The following RABGAP1L variants were observed in gnomAD, a reference collection of about 807,000 sequenced individuals.
The protein encoded by RABGAP1L is RAB GTPase activating protein 1 like, also known as rab GTPase-activating protein 1-like.
In RABGAP1L, 63 loss-of-function variants were observed where a neutral mutation model predicts 137.7. That is an observed-to-expected ratio of 0.46 (90% CI 0.37 to 0.56). RABGAP1L has a LOEUF of 0.56. Ranked by LOEUF, RABGAP1L falls within the 20% of genes least tolerant of loss-of-function variation. The pLI is 0.00. For missense variants in RABGAP1L, 1,095 were observed against 1,244.0 expected (o/e 0.88, Z 1.80); for synonymous variants, 431 against 433.7 (o/e 0.99, Z 0.08).
rs775955815 is a variant in RABGAP1L at position 174,394,110 on chromosome 1, G to A, written c.1675G>A (p.Ala559Thr). ...QLLAGCHDNQAMLDRYRILIT... is the reference protein window; with the variant it reads ...QLLAGCHDNQTMLDRYRILIT... ...ATTGGCAGGCTGCCATGACAACCAG[G>A]CAATGCTGGATAGATACCGAATTCT... The change falls in exon 13 of 26, where the codon GCA (alanine) becomes ACA (threonine). Residue 559 changes from alanine (A) to threonine (T), a missense_variant. Transcript: ENST00000681986. The A allele has an allele frequency of 7.4e-6, 12 of 1,613,702 alleles. No homozygotes were observed. In the South Asian group the frequency reaches 1.1e-4, roughly 15 times the overall value.
intron 19 of RABGAP1L, among the ~76,000 whole-genome samples, chr1:174,863,472 G>T (rs1650648117): frequency 6.6e-6 from 1 of 151,176 alleles, no homozygotes; most frequent in South Asian, 2.1e-4. Context: ...AGGAGATCGA[G>T]ACCATCCTGG....
At chr1:174,745,701 C>A (rs901649794) in intron 17 of RABGAP1L, among the ~76,000 whole-genome samples, 1 of 152,074 alleles carries the variant, frequency 6.6e-6, no homozygotes, top group Non-Finnish European at 1.5e-5. Flanking sequence ...ATATAATGGG[C>A]AATAAATACA....
intron 24 of RABGAP1L, among the ~76,000 whole-genome samples, chr1:174,987,535 C>G (rs896221060): frequency 1.3e-5 from 2 of 152,160 alleles, no homozygotes; most frequent in African/African-American, 4.8e-5. Flanking sequence ...GATCCAAAGT[C>G]GTCAGGCCCA....
At chr1:174,246,634 A>G (rs935104125) in intron 5 of RABGAP1L, among the ~76,000 whole-genome samples, 2 of 152,206 alleles carry the variant, frequency 1.3e-5, no homozygotes, top group Non-Finnish European at 2.9e-5. Context: ...AGGTATTATA[A>G]GTAATTTAGA....
At chr1:174,623,161 C>G (rs80320408) in intron 13 of RABGAP1L, among the ~76,000 whole-genome samples, 3,444 of 152,258 alleles carry the variant, frequency 0.023, 62 homozygotes, top group Middle Eastern at 0.085. Flanking sequence ...ATAATTAACA[C>G]AGTCTTGAGG....
chr1:174,222,028 C>A (rs1461989399), intron 3 of RABGAP1L, among the ~76,000 whole-genome samples: 2 of 149,778 alleles, frequency 1.3e-5, no homozygotes, highest in Non-Finnish European at 3.0e-5. Context: ...TGGGGTTTTG[C>A]CATGTTGACC....
At chr1:174,989,639 TAAAG>T (rs1354898715) in intron 25 of RABGAP1L, among the ~76,000 whole-genome samples, 1 of 152,228 alleles carries the variant, frequency 6.6e-6, no homozygotes. Context: ...TTTCACTGTT[TAAAG>T]AAAGCACAGA....
At chr1:174,575,960 C>T (rs753480733) in intron 13 of RABGAP1L, among the ~76,000 whole-genome samples, 4 of 152,060 alleles carry the variant, frequency 2.6e-5, no homozygotes, top group East Asian at 3.9e-4. Context: ...GAGATGGTCA[C>T]GTGGGGATGA....
intron 22 of RABGAP1L, 111 bp downstream of exon 22, chr1:174,976,293 G>A (rs375669143): frequency 2.2e-6 from 2 of 930,140 alleles, no homozygotes; most frequent in Non-Finnish European, 3.2e-6. Flanking sequence ...TGATGTTAAA[G>A]CAGTAATGTA....
chr1:174,332,792 T>TA (rs768911077), intron 11 of RABGAP1L, among the ~76,000 whole-genome samples: 16 of 151,140 alleles, frequency 1.1e-4, no homozygotes, highest in South Asian at 4.2e-4. Context: ...TTATAAAAGT[T>TA]AAAAAAAAAC....
chr1:174,818,225 A>G (rs768515694), intron 19 of RABGAP1L, among the ~76,000 whole-genome samples: 28 of 152,198 alleles, frequency 1.8e-4, no homozygotes, highest in Admixed American at 5.9e-4. Context: ...ATTCACATGT[A>G]AAATACAGAT....
At chr1:174,779,579 A>G (rs1379754023) in intron 18 of RABGAP1L, among the ~76,000 whole-genome samples, 3 of 152,182 alleles carry the variant, frequency 2.0e-5, no homozygotes, top group Non-Finnish European at 4.4e-5. Context: ...CAGTTGTTCT[A>G]TTTAAGCAAA....
intron 19 of RABGAP1L, among the ~76,000 whole-genome samples, chr1:174,900,675 A>G (rs1320732791): frequency 6.6e-6 from 1 of 151,962 alleles, no homozygotes; most frequent in Non-Finnish European, 1.5e-5. Context: ...GTGAGCCACT[A>G]CACCCAGCTA....
chr1:174,509,932 G>A (rs1662178283), intron 13 of RABGAP1L, among the ~76,000 whole-genome samples: 2 of 152,224 alleles, frequency 1.3e-5, no homozygotes, highest in Admixed American at 6.5e-5. Context: ...CCTTCATTCT[G>A]TTCTCATTGC....
chr1:174,397,802 A>G (rs1188655595), intron 13 of RABGAP1L, among the ~76,000 whole-genome samples: 1 of 152,186 alleles, frequency 6.6e-6, no homozygotes. Context: ...GACTTCTGAC[A>G]TCAGCCACAA....
chr1:174,471,486 G>A (rs1258096273), intron 13 of RABGAP1L, among the ~76,000 whole-genome samples: 1 of 152,170 alleles, frequency 6.6e-6, no homozygotes, highest in East Asian at 1.9e-4. Context: ...AGAAAAGTCA[G>A]TATTTATCAG....
chr1:174,443,939 C>T (rs1388423052), intron 13 of RABGAP1L, among the ~76,000 whole-genome samples: 2 of 152,002 alleles, frequency 1.3e-5, no homozygotes, highest in African/African-American at 4.8e-5. Context: ...AAGACACTGT[C>T]TTTTCAACAG....
intron 19 of RABGAP1L, among the ~76,000 whole-genome samples, chr1:174,837,756 C>T (rs1252837521): frequency 4.6e-5 from 7 of 152,028 alleles, no homozygotes. Context: ...AGAATGATGG[C>T]ATTGTTAGCA....
chr1:174,835,639 C>A (rs1297142228), intron 19 of RABGAP1L, among the ~76,000 whole-genome samples: 2 of 152,148 alleles, frequency 1.3e-5, no homozygotes, highest in East Asian at 3.8e-4. Flanking sequence ...TTCCCAGCCT[C>A]CTCTGGCTTC....
Sources: gnomAD v4.1 joint callset for allele counts (sites outside exome capture counted in the v4.1 genomes callset) on GRCh38, gnomAD v4.1.1 for gene constraint, MANE v1.5 for transcripts, NCBI Gene and HGNC (gene_info 2026-07-23, HGNC 2026-07-21) for gene names.